Variants in SLC6A11 observed in about 807,000 individuals in gnomAD.
SLC6A11 encodes the protein sodium- and chloride-dependent GABA transporter 3.
A neutral mutation model predicts 74.8 loss-of-function variants in SLC6A11; 25 were observed. The observed-to-expected ratio is 0.33, with a 90% CI of 0.24 to 0.47. The LOEUF is 0.47. SLC6A11 is among the 20% of genes least tolerant of loss of function. SLC6A11 has a pLI of 1.00. For synonymous variants in SLC6A11, 330 were observed against 330.2 expected, an observed-to-expected ratio of 1.00 and a Z score of 0.01; for missense variants, 574 against 837.0, an observed-to-expected ratio of 0.69 and a Z score of 3.88.
intron 5 of SLC6A11, among the ~76,000 whole-genome samples, chr3:10,848,756 A>C (rs1694537018): frequency 6.6e-6 from 1 of 152,208 alleles, no homozygotes; most frequent in African/African-American, 2.4e-5. Flanking sequence ...AGCATTAAAA[A>C]ATACAACTTG....
At position 10,929,242 on chromosome 3, in the gene SLC6A11, T is replaced by G. The variant is rs747562484; in HGVS notation, c.1274T>G (p.Met425Arg). ...VESLVTAVVDMYPKVFRRGYR... is the reference protein window; with the variant it reads ...VESLVTAVVDRYPKVFRRGYR... ...AGCCTGGTGACCGCCGTGGTGGACA[T>G]GTACCCCAAGGTTTTCCGGAGGGGT... The change falls in exon 10 of 14, where the codon ATG becomes AGG. Residue 425 changes from methionine (M) to arginine (R), a missense_variant. Physicochemically the swap from Met to Arg is moderately conservative, Grantham distance 91 (BLOSUM62 -1). Coordinates refer to ENST00000254488, the MANE Select transcript of SLC6A11 (RefSeq NM_014229.3). 1.2e-6 allele frequency: 2 copies of G among 1,614,160 alleles called. No homozygotes were observed.
At position 10,878,684 on chromosome 3, in the gene SLC6A11, A is replaced by T. The variant is rs771567061; in HGVS notation, c.891+3589A>T. 4.8e-4 allele frequency among the ~76,000 whole-genome samples: 72 copies of T among 151,318 alleles called. 1 individual carries two copies. The highest frequency in any genetic ancestry group is 1.3e-4 in the Admixed American group (2 of 15,182). On this transcript the variant is annotated intron_variant, in intron 6 of 13. Coordinates refer to ENST00000254488, the MANE Select transcript of SLC6A11 (RefSeq NM_014229.3). ...CACCTTGGCCTCCCAAAGTGCTGGG[A>T]TTACAGGCGTGATCCACCGTGCCTG...
At chr3:10,889,898 G>T (rs975838178) in intron 6 of SLC6A11, among the ~76,000 whole-genome samples, 1 of 152,186 alleles carries the variant, frequency 6.6e-6, no homozygotes, top group African/African-American at 2.4e-5. Context: ...CATGCCAGGG[G>T]GGAGAGAGAG....
At chr3:10,936,313 C>G (rs1262732386) in intron 13 of SLC6A11, among the ~76,000 whole-genome samples, 1 of 152,232 alleles carries the variant, frequency 6.6e-6, no homozygotes, top group Non-Finnish European at 1.5e-5. Flanking sequence ...ACAGCAGAGA[C>G]TCCGGCTTGT....
At chr3:10,846,437 C>G (rs1694504204) in intron 5 of SLC6A11, among the ~76,000 whole-genome samples, 1 of 152,138 alleles carries the variant, frequency 6.6e-6, no homozygotes, top group Non-Finnish European at 1.5e-5. Flanking sequence ...GAGAGGTTGC[C>G]TGCACAAGGT....
intron 1 of SLC6A11, among the ~76,000 whole-genome samples, chr3:10,818,844 C>A (rs539298110): frequency 2.8e-4 from 43 of 152,314 alleles, no homozygotes; most frequent in African/African-American, 1.0e-3. Flanking sequence ...TAGTGGTGGT[C>A]TTTTCCTGGA....
intron 4 of SLC6A11, among the ~76,000 whole-genome samples, chr3:10,843,554 GT>G (rs1242953546): frequency 1.3e-5 from 2 of 152,164 alleles, no homozygotes; most frequent in African/African-American, 4.8e-5. Context: ...CCCTGTAGCA[GT>G]CAGGATAGGT....
At chr3:10,936,231 C>T (rs79833562) in intron 13 of SLC6A11, among the ~76,000 whole-genome samples, 1 of 152,214 alleles carries the variant, frequency 6.6e-6, no homozygotes, top group Non-Finnish European at 1.5e-5. Context: ...TTCTTTTTGT[C>T]TCCATGGATG....
intron 6 of SLC6A11, among the ~76,000 whole-genome samples, chr3:10,882,330 C>T (rs576250185): frequency 9.2e-5 from 14 of 152,270 alleles, no homozygotes; most frequent in African/African-American, 1.9e-4. Context: ...GGTGCCCGCC[C>T]GACCGGTGCA....
chr3:10,849,794 CAAAAAAAAAAAA>C (rs56099322), intron 5 of SLC6A11, among the ~76,000 whole-genome samples: 33 of 87,276 alleles, frequency 3.8e-4, no homozygotes, highest in South Asian at 1.6e-3. Context: ...TTGTTGAAGC[CAAAAAAAAAAAA>C]AAAAAAAAAA....
rs769846663 is a variant in SLC6A11, at chr3:10,918,481, A to G, written c.1120+28A>G. On this transcript the variant is annotated intron_variant, in intron 8 of 13. Transcript: ENST00000254488. The surrounding 1 kb of genome is among the most constrained non-coding windows in gnomAD (Gnocchi z 4.5). ...AAGTTCGCCAAAGGTGGGGATGGAA[A>G]AGGCGGCAAGGGAGGCCAGGAGTGA... 14 of 1,596,904 alleles carry G rather than the reference A, an allele frequency of 8.8e-6. No homozygotes were observed. The highest frequency in any genetic ancestry group is 1.2e-5 in the Non-Finnish European group (14 of 1,173,334).
chr3:10,835,877 G>C (rs970672174), intron 4 of SLC6A11, among the ~76,000 whole-genome samples: 4 of 152,200 alleles, frequency 2.6e-5, no homozygotes, highest in African/African-American at 7.2e-5. Context: ...TTTTTAGAAA[G>C]TTTATTGTAG....
Position 10,859,244 on chromosome 3 carries a change from G to C in SLC6A11, c.756+14898G>C, listed in dbSNP as rs373542963. Among the ~76,000 whole-genome samples, 6 of 152,320 alleles carry C rather than the reference G, an allele frequency of 3.9e-5. No homozygotes were observed. In the South Asian group the frequency reaches 6.2e-4, roughly 16 times the overall value. ...GGAAGAATTTGTGAAATAAGCAAGA[G>C]TATGAGTCAGCCCTCTGTGACCCAA... On this transcript the variant is annotated intron_variant, in intron 5 of 13. Coordinates refer to ENST00000254488, the MANE Select transcript of SLC6A11 (RefSeq NM_014229.3).
At chr3:10,854,172 G>A (rs1476668869) in intron 5 of SLC6A11, among the ~76,000 whole-genome samples, 2 of 152,212 alleles carry the variant, frequency 1.3e-5, no homozygotes, top group Non-Finnish European at 2.9e-5. Context: ...CGGATCACCT[G>A]AGGTTAGGAG....
intron 4 of SLC6A11, among the ~76,000 whole-genome samples, chr3:10,834,056 C>G (rs996553459): frequency 6.6e-6 from 1 of 152,198 alleles, no homozygotes; most frequent in Non-Finnish European, 1.5e-5. Flanking sequence ...CTCATTTAAC[C>G]CATCCACCCA....
At position 10,816,399 on chromosome 3, in the gene SLC6A11, A is replaced by G. The variant is rs1355708426; in HGVS notation, c.134A>G (p.Lys45Arg). 1.1e-5 allele frequency: 18 copies of G among 1,576,058 alleles called. No individual in the cohort carries two copies. The highest frequency in any genetic ancestry group is 1.4e-5 in the African/African-American group (1 of 71,574). Residue 45 changes from lysine (K) to arginine (R), a missense_variant, in exon 1 of 14, where the codon AAG becomes AGG. Lys to Arg is a conservative substitution (Grantham distance 26). Coordinates refer to ENST00000254488, the MANE Select transcript of SLC6A11 (RefSeq NM_014229.3). The surrounding 1 kb of genome is among the most constrained non-coding windows in gnomAD (Gnocchi z 4.2). The part of the protein sequence containing the change: ...PARHPRVKRD[K>R]AVHERGHWNN... ...CGCCACCCGCGCGTCAAGCGCGACA[A>G]GGCGGTCCACGAGCGCGGCCACTGG...
At chr3:10,902,064 G>A (rs1183898768) in intron 6 of SLC6A11, among the ~76,000 whole-genome samples, 12 of 144,090 alleles carry the variant, frequency 8.3e-5, no homozygotes, top group East Asian at 4.1e-4. Context: ...TTGTGTGTGC[G>A]TGTGTCTGTG....
intron 4 of SLC6A11, among the ~76,000 whole-genome samples, chr3:10,833,173 C>A (rs1694320075): frequency 6.6e-6 from 1 of 152,200 alleles, no homozygotes; most frequent in South Asian, 2.1e-4. Flanking sequence ...CCAATTCTCC[C>A]ACCTCAACCT....
At chr3:10,825,042 G>A (rs1217620543) in intron 4 of SLC6A11, 1 of 152,104 alleles carries the variant, frequency 6.6e-6, no homozygotes, top group Non-Finnish European at 1.5e-5. Context: ...AAATTAGCTG[G>A]GTAGTGGTTC....
Sources: gnomAD v4.1 joint callset for allele counts (sites outside exome capture counted in the v4.1 genomes callset) on GRCh38, gnomAD v4.1.1 for gene constraint, Gnocchi (gnomAD v3.1) non-coding constraint, MANE v1.5 for transcripts, NCBI Gene and HGNC (gene_info 2026-07-23, HGNC 2026-07-21) for gene names.